ST6GALNAC3: variants seen among roughly 807,000 people sequenced by gnomAD.
ST6GALNAC3 encodes ST6 N-acetylgalactosaminide alpha-2,6-sialyltransferase 3.
In ST6GALNAC3, 25 loss-of-function variants were observed where a neutral mutation model predicts 32.7. The ratio of observed to expected loss-of-function variants is 0.76; its 90% CI spans 0.56 to 1.07. The LOEUF (loss-of-function observed/expected upper bound fraction) is 1.07. Among genes scored for constraint, ST6GALNAC3 ranks in the 50% least tolerant of loss-of-function variants. The pLI is 0.00. For synonymous variants in ST6GALNAC3, 129 were observed against 133.1 expected, an observed-to-expected ratio of 0.97 and a Z score of 0.21; for missense variants, 355 against 382.4, an observed-to-expected ratio of 0.93 and a Z score of 0.60.
chr1:76,466,881 A>G (rs1318521024), intron 3 of ST6GALNAC3, among the ~76,000 whole-genome samples: 4 of 152,126 alleles, frequency 2.6e-5, no homozygotes, highest in Non-Finnish European at 5.9e-5. Context: ...GACTTCGCTA[A>G]AATTGTTCAG....
At chr1:76,607,656 A>T (rs1344998275) in intron 3 of ST6GALNAC3, among the ~76,000 whole-genome samples, 2 of 152,190 alleles carry the variant, frequency 1.3e-5, no homozygotes, top group East Asian at 3.8e-4. Context: ...TTTGGGACAA[A>T]GATCAAATGT....
chr1:76,453,580 G>A (rs10873887), intron 3 of ST6GALNAC3, among the ~76,000 whole-genome samples: 76,431 of 151,890 alleles, frequency 0.5, 22,674 homozygotes, highest in African/African-American at 0.84. Context: ...ATGTATTTGC[G>A]TGGTTCTGAG....
rs75379095 is a variant in ST6GALNAC3, at chr1:76,390,946, A to T, written c.214-21062A>T. 5.0e-4 allele frequency among the ~76,000 whole-genome samples: 61 copies of T among 121,036 alleles called. 1 individual carries two copies. Among genetic ancestry groups the T allele is most frequent in the African/African-American group, 1.3e-3 (47 of 36,458 alleles). The allele number at this position is 121,036 out of a possible 152,430, so 79.4% of individuals were successfully genotyped here. A position where few individuals can be genotyped will look rare whatever the true frequency, so the allele number is the denominator to read the frequency against. The stretch of plus-strand genomic sequence containing the variant: ...TTAAAATGCTTATATATATATATGT[A>T]TTTTTTTTTTTGAGATGGAGTCTCG... On this transcript the variant is annotated intron_variant, in intron 2 of 4. Transcript: ENST00000328299.
rs534709719 is a variant in ST6GALNAC3 at position 76,157,780 on chromosome 1, T to A, written c.18+82896T>A. Among the ~76,000 whole-genome samples, 4 of 152,326 alleles carry A rather than the reference T, an allele frequency of 2.6e-5. No homozygotes were observed. The East Asian group carries it at 7.7e-4, about 29-fold the overall frequency. On this transcript the variant is annotated intron_variant, in intron 1 of 4. Coordinates refer to ENST00000328299, the MANE Select transcript of ST6GALNAC3 (RefSeq NM_152996.4). The stretch of plus-strand genomic sequence containing the variant: ...CAGAATAACTATACCACCCTAAAAA[T>A]TCATCTATTCACCCATTTAACTATC...
chr1:76,153,261 AC>A (rs1444433756), intron 1 of ST6GALNAC3, among the ~76,000 whole-genome samples: 1 of 152,034 alleles, frequency 6.6e-6, no homozygotes, highest in African/African-American at 2.4e-5. Context: ...CTATTTGCAT[AC>A]CCTCTGAAGT....
At chr1:76,272,277 C>T (rs774339014) in intron 1 of ST6GALNAC3, among the ~76,000 whole-genome samples, 4 of 145,014 alleles carry the variant, frequency 2.8e-5, no homozygotes, top group African/African-American at 1.0e-4. Flanking sequence ...GAGCCGAGAT[C>T]GCGCCACTGC....
chr1:76,341,429 T>C (rs982034014), intron 2 of ST6GALNAC3, among the ~76,000 whole-genome samples: 7 of 152,174 alleles, frequency 4.6e-5, no homozygotes, highest in Non-Finnish European at 1.0e-4. Flanking sequence ...GGTGTGTATG[T>C]GACACATTTT....
At chr1:76,551,698 A>T (rs1248167103) in intron 3 of ST6GALNAC3, among the ~76,000 whole-genome samples, 2 of 152,158 alleles carry the variant, frequency 1.3e-5, no homozygotes, top group African/African-American at 4.8e-5. Flanking sequence ...CCTTTCTTCT[A>T]GGTGTTTTGA....
At chr1:76,183,677 A>T (rs1405565990) in intron 1 of ST6GALNAC3, among the ~76,000 whole-genome samples, 1 of 151,624 alleles carries the variant, frequency 6.6e-6, no homozygotes, top group Non-Finnish European at 1.5e-5. Flanking sequence ...TAGGCTACAA[A>T]CCTGTACAAC....
chr1:76,359,581 C>T (rs1022469631), intron 2 of ST6GALNAC3, among the ~76,000 whole-genome samples: 1 of 152,110 alleles, frequency 6.6e-6, no homozygotes, highest in African/African-American at 2.4e-5. Flanking sequence ...ACATTGATCT[C>T]AAACTATAGA....
At chr1:76,105,270 A>G (rs762323482) in intron 1 of ST6GALNAC3, among the ~76,000 whole-genome samples, 2 of 152,236 alleles carry the variant, frequency 1.3e-5, no homozygotes, top group Non-Finnish European at 2.9e-5. Context: ...AAGCAAGGCA[A>G]TATCTCAACT....
At chr1:76,311,104 C>T (rs1557775262) in intron 1 of ST6GALNAC3, among the ~76,000 whole-genome samples, 1 of 152,020 alleles carries the variant, frequency 6.6e-6, no homozygotes, top group Non-Finnish European at 1.5e-5. Context: ...TCTTTTTCCA[C>T]CTTGTTATTT....
At chr1:76,280,093 T>C (rs113399587) in intron 1 of ST6GALNAC3, among the ~76,000 whole-genome samples, 5 of 152,236 alleles carry the variant, frequency 3.3e-5, no homozygotes, top group African/African-American at 1.2e-4. Context: ...CTCCTTCGCC[T>C]TTTCTCTCTT....
chr1:76,383,239 C>T (rs1391249909), intron 2 of ST6GALNAC3, among the ~76,000 whole-genome samples: 1 of 151,830 alleles, frequency 6.6e-6, no homozygotes, highest in East Asian at 1.9e-4. Flanking sequence ...AAACAGCAAA[C>T]CCACATTAAA....
At chr1:76,503,617 G>A (rs1178210165) in intron 3 of ST6GALNAC3, among the ~76,000 whole-genome samples, 6 of 152,224 alleles carry the variant, frequency 3.9e-5, no homozygotes. Flanking sequence ...AGAGGAGAAG[G>A]AGCTTTGAGA....
chr1:76,130,256 G>T lies in ST6GALNAC3; in HGVS notation c.18+55372G>T, dbSNP rs1649524017. Among the ~76,000 whole-genome samples, 3 of 152,204 alleles carry T rather than the reference G, an allele frequency of 2.0e-5. 1 individual carries two copies. Among genetic ancestry groups the T allele is most frequent in the Admixed American group, 2.0e-4 (3 of 15,288 alleles). On this transcript the variant is annotated intron_variant, in intron 1 of 4. Transcript: ENST00000328299. ...TGCCAGTCTCCTGACGAAATGGCTA[G>T]ACCACCACCCAGGAATTGGCAAAGA...
At chr1:76,591,986 G>T (rs1324781535) in intron 3 of ST6GALNAC3, among the ~76,000 whole-genome samples, 1 of 152,112 alleles carries the variant, frequency 6.6e-6, no homozygotes, top group Non-Finnish European at 1.5e-5. Flanking sequence ...GCAAGTAAAG[G>T]GTCAACCTGC....
At chr1:76,512,830 T>A (rs1055358095) in intron 3 of ST6GALNAC3, among the ~76,000 whole-genome samples, 3 of 152,084 alleles carry the variant, frequency 2.0e-5, no homozygotes, top group African/African-American at 7.2e-5. Context: ...TTCTTTTCGA[T>A]AACAGCCATT....
intron 3 of ST6GALNAC3, among the ~76,000 whole-genome samples, chr1:76,552,622 C>T (rs1570240668): frequency 6.6e-6 from 1 of 152,148 alleles, no homozygotes; most frequent in East Asian, 1.9e-4. Context: ...TGAACACTGA[C>T]TAATGTTTAT....
Sources: allele counts gnomAD v4.1 joint callset (sites outside exome capture counted in the v4.1 genomes callset), GRCh38; gene constraint gnomAD v4.1.1; transcripts MANE v1.5; gene names NCBI Gene and HGNC (gene_info 2026-07-23, HGNC 2026-07-21).